Variants in NRK observed in about 807,000 individuals in gnomAD.
NRK encodes the protein nik-related protein kinase.
A neutral mutation model predicts 125.2 loss-of-function variants in NRK; 67 were observed. The observed-to-expected ratio is 0.54, with a 90% CI of 0.44 to 0.66. The LOEUF (loss-of-function observed/expected upper bound fraction) is 0.66. Ranked by LOEUF, NRK falls within the 30% of genes least tolerant of loss-of-function variation. The pLI is 0.00. For missense variants in NRK, 1,224 were observed against 1,192.9 expected (o/e 1.03, Z -0.38); for synonymous variants, 458 against 429.0 (o/e 1.07, Z -0.84).
At position 105,923,374 on chromosome X, in the gene NRK, A is replaced by G. The variant is rs1283817582; in HGVS notation, c.2867A>G (p.Asp956Gly). The G allele has an allele frequency of 1.7e-6, 2 of 1,164,960 alleles. No individual in the cohort carries two copies. The highest frequency in any genetic ancestry group is 1.9e-5 in the South Asian group (1 of 53,017). The change falls in exon 18 of 29, where the codon GAT (aspartate) becomes GGT (glycine). Residue 956 changes from aspartate (D) to glycine (G), a missense_variant. Asp to Gly is a moderately conservative substitution (Grantham distance 94, BLOSUM62 -1). Transcript: ENST00000243300. ...YDHANGNDDLDNQVDQANDVC... is the reference protein window; with the variant it reads ...YDHANGNDDLGNQVDQANDVC... ...CATGCCAATGGCAATGATGACTTGG[A>G]TAACCAGGTTGATCAGGCTAATGAT...
At chrX:105,936,376 A>C (rs1042459829) in intron 21 of NRK, among the ~76,000 whole-genome samples, 1 of 112,187 alleles carries the variant, frequency 8.9e-6, no homozygotes, top group African/African-American at 3.2e-5. Flanking sequence ...CTAATAATCC[A>C]TTCTTATAAC....
Position 105,937,514 on chromosome X carries a change from T to G in NRK, c.3731T>G (p.Leu1244Arg). The G allele has an allele frequency of 8.3e-7, 1 of 1,198,049 alleles. No homozygotes were observed. The highest frequency in any genetic ancestry group is 1.8e-5 in the African/African-American group (1 of 56,792). The change falls in exon 22 of 29, where the codon CTT becomes CGT. Residue 1244 changes from leucine (L) to arginine (R), a missense_variant. Coordinates refer to ENST00000243300, the MANE Select transcript of NRK (RefSeq NM_198465.4). ...DRSGKADITK[L>R]IRRRPFRQIQ... ...AGTGGAAAGGCTGACATTACTAAAC[T>G]TATAAGGCGAAGACCATTCCGCCAG...
At chrX:105,925,980 T>C (rs1029046437) in intron 19 of NRK, among the ~76,000 whole-genome samples, 5 of 111,231 alleles carry the variant, frequency 4.5e-5, no homozygotes, top group Non-Finnish European at 9.5e-5. Flanking sequence ...GTGGAATTAT[T>C]GGATCATATG....
intron 1 of NRK, among the ~76,000 whole-genome samples, chrX:105,825,284 CATATGATG>C (rs1411935274): frequency 1.8e-5 from 2 of 112,140 alleles, no homozygotes; most frequent in Non-Finnish European, 3.8e-5. Context: ...AAGAAACCTT[CATATGATG>C]GTATCCCTTG....
chrX:105,880,891 A>G (rs756395626), intron 3 of NRK, among the ~76,000 whole-genome samples: 1 of 111,561 alleles, frequency 9.0e-6, no homozygotes, highest in Non-Finnish European at 1.9e-5. Flanking sequence ...TATTATCATA[A>G]ACATAGAAAA....
Position 105,957,829 on chromosome X carries a change from T to A in NRK, c.*2229T>A, listed in dbSNP as rs902595856. On this transcript the variant is annotated 3_prime_UTR_variant, in exon 29 of 29. Coordinates refer to ENST00000243300, the MANE Select transcript of NRK (RefSeq NM_198465.4). ...GTAATGAATATTTCTGACTTAGATG[T>A]AAATCCATCTGGAATCTTTACATCC... The A allele has an allele frequency of 5.3e-5, 6 of 112,813 alleles. No individual in the cohort carries two copies. The highest frequency in any genetic ancestry group is 1.1e-4 in the Non-Finnish European group (6 of 53,362). The allele number at this position is 112,813 out of a possible 1,213,427, so 9.3% of individuals were successfully genotyped here. A position where few individuals can be genotyped will look rare whatever the true frequency, so the allele number is the denominator to read the frequency against.
At chrX:105,832,737 T>C (rs1350751603) in intron 2 of NRK, among the ~76,000 whole-genome samples, 1 of 111,262 alleles carries the variant, frequency 9.0e-6, no homozygotes, top group Non-Finnish European at 1.9e-5. Context: ...CAACAGCTCC[T>C]ATAGGGCCTG....
chrX:105,864,874 C>T (rs950323796), intron 2 of NRK, among the ~76,000 whole-genome samples: 2 of 111,034 alleles, frequency 1.8e-5, no homozygotes, highest in Non-Finnish European at 3.8e-5. Flanking sequence ...TCCCTTCTCT[C>T]CCCTTTTCTC....
intron 1 of NRK, among the ~76,000 whole-genome samples, chrX:105,830,616 G>T (rs766729562): frequency 9.0e-6 from 1 of 110,962 alleles, no homozygotes; most frequent in South Asian, 3.8e-4. Context: ...GAACAAGGCA[G>T]ATTGGAAATA....
At position 105,935,141 on chromosome X, in the gene NRK, C is replaced by T. The variant is rs765964106; in HGVS notation, c.3500-29C>T. The T allele has an allele frequency of 1.4e-4, 154 of 1,123,453 alleles. No homozygotes were observed. In the South Asian group the frequency reaches 2.6e-3, roughly 19 times the overall value. 92.6% of individuals were successfully genotyped at this position (1,123,453 alleles called of 1,213,427 possible). A position where few individuals can be genotyped will look rare whatever the true frequency, so the allele number is the denominator to read the frequency against. ...ATCATGCACAGAACTAGTAATTTCC[C>T]TTATTATCTTCCCCTTACATCTTTG... On this transcript the variant is annotated intron_variant, in intron 20 of 28. Coordinates refer to ENST00000243300, the MANE Select transcript of NRK (RefSeq NM_198465.4).
chrX:105,884,748 A>G (rs1464907504), intron 4 of NRK, among the ~76,000 whole-genome samples: 2 of 112,154 alleles, frequency 1.8e-5, no homozygotes, highest in African/African-American at 6.5e-5. Context: ...GAGTTAAGGA[A>G]ATCTTTTTTT....
chrX:105,909,022 C>G lies in NRK; in HGVS notation c.1381C>G (p.Leu461Val). 8.3e-7 allele frequency: 1 copy of G among 1,210,370 alleles called. No homozygotes were observed. The highest frequency in any genetic ancestry group is 3.0e-5 in the East Asian group (1 of 33,711). The change falls in exon 13 of 29, where the codon CTA becomes GTA. Residue 461 changes from leucine to valine, a missense_variant. Leu to Val is a conservative substitution (Grantham distance 32). Transcript: ENST00000243300. ...GGTGAAGGCTAAGGCCTCTAAACCTCTACAAATGCAGATTAAGGCACCTCC... is the reference window on the plus strand; with the variant it reads ...GGTGAAGGCTAAGGCCTCTAAACCTGTACAAATGCAGATTAAGGCACCTCC... ...AQVKAKASKPLQMQIKAPPRL... is the reference protein window; with the variant it reads ...AQVKAKASKPVQMQIKAPPRL...
chrX:105,941,555 A>AGAGAGAGAGAGAG (rs2040741294), intron 23 of NRK, among the ~76,000 whole-genome samples: 6 of 85,275 alleles, frequency 7.0e-5, no homozygotes, highest in African/African-American at 2.8e-4. Context: ...GAGAGACAGA[A>AGAGAGAGAGAGAG]AGAGAGAGAG....
At chrX:105,944,684 G>C (rs1276341235) in intron 24 of NRK, among the ~76,000 whole-genome samples, 1 of 111,854 alleles carries the variant, frequency 8.9e-6, no homozygotes, top group Non-Finnish European at 1.9e-5. Flanking sequence ...GGTAATGATA[G>C]AGGGGGAACA....
rs747386394 is a variant in NRK, at chrX:105,909,134, C to G, written c.1493C>G (p.Ser498Cys). 1.7e-6 allele frequency: 2 copies of G among 1,211,304 alleles called. No individual in the cohort carries two copies. The highest frequency in any genetic ancestry group is 1.1e-6 in the Non-Finnish European group (1 of 895,263). ...PRLLQVQSQV[S>C]KKQQAQTQTS... ...CTTCTGCAGGTACAGTCCCAGGTAT[C>G]CAAAAAGCAGCAGGCCCAGACCCAG... is the stretch of plus-strand genomic sequence containing the variant. The change falls in exon 13 of 29, where the codon TCC becomes TGC. Residue 498 changes from serine to cysteine, a missense_variant. Ser to Cys is a moderately radical substitution (Grantham distance 112). Coordinates refer to ENST00000243300, the MANE Select transcript of NRK (RefSeq NM_198465.4).
intron 2 of NRK, among the ~76,000 whole-genome samples, chrX:105,852,615 C>G (rs2147668036): frequency 9.0e-6 from 1 of 111,333 alleles, no homozygotes; most frequent in South Asian, 3.8e-4. Context: ...AAGCACATAT[C>G]AGATCTAAGC....
intron 24 of NRK, 63 bp from the exon 25 acceptor site, chrX:105,945,809 G>T: frequency 9.7e-7 from 1 of 1,027,656 alleles, no homozygotes; most frequent in Non-Finnish European, 1.3e-6. Flanking sequence ...AACCATAGGA[G>T]CCTAGAGTAC....
At chrX:105,904,777 AT>A (rs948751827) in intron 9 of NRK, among the ~76,000 whole-genome samples, 14 of 107,376 alleles carry the variant, frequency 1.3e-4, no homozygotes, top group South Asian at 4.0e-4. Flanking sequence ...CACTATACCT[AT>A]TTTTTTTTTC....
intron 2 of NRK, among the ~76,000 whole-genome samples, chrX:105,848,161 C>T (rs1203982527): frequency 1.8e-5 from 2 of 111,524 alleles, no homozygotes; most frequent in Admixed American, 9.6e-5. Context: ...CCATTCAGGT[C>T]GTAGGTCAAT....
Sources: gnomAD v4.1 joint callset for allele counts (sites outside exome capture counted in the v4.1 genomes callset) on GRCh38, gnomAD v4.1.1 for gene constraint, MANE v1.5 for transcripts, NCBI Gene and HGNC (gene_info 2026-07-23, HGNC 2026-07-21) for gene names.